The following CPLANE2 variants were observed in gnomAD, a reference collection of about 807,000 sequenced individuals.
CPLANE2 encodes the protein ciliogenesis and planar polarity effector complex subunit 2.
In CPLANE2, 24 loss-of-function variants were observed where a neutral mutation model predicts 20.9. The ratio of observed to expected loss-of-function variants is 1.15; its 90% CI spans 0.83 to 1.61. The LOEUF (loss-of-function observed/expected upper bound fraction) is 1.61, where lower values mean the gene tolerates loss of function less well. CPLANE2 is among the 40% of genes most tolerant of loss of function. The pLI, the probability that CPLANE2 is intolerant of heterozygous loss-of-function variation, is 0.00. For synonymous variants in CPLANE2, 132 were observed against 144.3 expected, an observed-to-expected ratio of 0.92 and a Z score of 0.61; for missense variants, 330 against 355.1, an observed-to-expected ratio of 0.93 and a Z score of 0.57.
In CPLANE2 at chr1:16,232,523, C is replaced by A. The variant is rs573262072; in HGVS notation, c.514G>T (p.Val172Phe). 3.3e-5 allele frequency: 53 copies of A among 1,613,932 alleles called. 1 individual carries two copies. The Admixed American group carries it at 3.5e-4, about 11-fold the overall frequency. ...TCCAAAGGATACTTGGAGCCGATGACCATCCTGACGACACCAGGGGCCTCA... is the reference window on the plus strand; with the variant it reads ...TCCAAAGGATACTTGGAGCCGATGAACATCCTGACGACACCAGGGGCCTCA... ...AGEAPGVVRM[V>F]IGSKFDQYMH... The change falls in exon 4 of 5, where the codon GTC becomes TTC. Residue 172 changes from valine to phenylalanine, a missense_variant. Val to Phe is a conservative substitution (Grantham distance 50). Coordinates refer to ENST00000375599, the MANE Select transcript of CPLANE2 (RefSeq NM_030907.4).
intron 1 of CPLANE2, among the ~76,000 whole-genome samples, chr1:16,234,690 C>T (rs1209676758): frequency 5.9e-5 from 9 of 152,056 alleles, no homozygotes; most frequent in Non-Finnish European, 5.9e-5. Context: ...AGGACAACCT[C>T]ATTTCTAATG....
chr1:16,235,657 C>T (rs1469166834), intron 1 of CPLANE2, among the ~76,000 whole-genome samples: 2 of 148,958 alleles, frequency 1.3e-5, no homozygotes, highest in Non-Finnish European at 3.0e-5. Flanking sequence ...ATTAGAGGGA[C>T]AGTGGCCATA....
intron 3 of CPLANE2, 116 bp from the exon 4 acceptor site, chr1:16,232,762 C>T (rs766301993): frequency 3.5e-4 from 547 of 1,556,572 alleles, no homozygotes; most frequent in Non-Finnish European, 4.6e-4. Context: ...GAGCAAGGAG[C>T]GGCTGGTCCT....
Position 16,236,667 on chromosome 1 carries a change from C to T in CPLANE2, c.76G>A (p.Ala26Thr), listed in dbSNP as rs1335875474. 1 of 1,561,970 alleles carries T rather than the reference C, an allele frequency of 6.4e-7. No homozygotes were observed. Among genetic ancestry groups the T allele is most frequent in the Non-Finnish European group, 8.7e-7 (1 of 1,151,586 alleles). The change falls in exon 1 of 5, where the codon GCT becomes ACT. Residue 26 changes from alanine (A) to threonine (T), a missense_variant. Ala to Thr is a moderately conservative substitution (Grantham distance 58, BLOSUM62 0). Coordinates refer to ENST00000375599, the MANE Select transcript of CPLANE2 (RefSeq NM_030907.4). ...HESAEGKEYL[A>T]CILRKNRRRV... is the part of the protein sequence containing the mutation. Reference sequence around the variant, plus strand: ...CGGCGGTTCTTGCGCAGAATGCAAGCCAGGTACTCCTTGCCCTCGGCACTC... The same window carrying T: ...CGGCGGTTCTTGCGCAGAATGCAAGTCAGGTACTCCTTGCCCTCGGCACTC...
In CPLANE2 at chr1:16,236,865, G is replaced by C. The variant is rs994030714; in HGVS notation, c.-123C>G. On this transcript the variant is annotated 5_prime_UTR_variant, in exon 1 of 5. Coordinates refer to ENST00000375599, the MANE Select transcript of CPLANE2 (RefSeq NM_030907.4). ...AACTGCCCTCTGACTCTCCCGGGGG[G>C]CCCCAGAAAGTGCAGTCCCTCAGCC... 1.4e-5 allele frequency: 10 copies of C among 717,558 alleles called. No homozygotes were observed. The highest frequency in any genetic ancestry group is 7.0e-5 in the African/African-American group (4 of 57,234). 44.4% of individuals were successfully genotyped at this position (717,558 alleles called of 1,614,324 possible).
In CPLANE2 at chr1:16,236,692, C is replaced by G. The variant is rs1484789696; in HGVS notation, c.51G>C (p.Glu17Asp). The part of the protein sequence containing the change: ...PGSVVVPNWH[E>D]SAEGKEYLAC... ...CCAGGTACTCCTTGCCCTCGGCACT[C>G]TCGTGCCAGTTTGGGACAACCACCG... Residue 17 changes from glutamate (E) to aspartate (D), a missense_variant, in exon 1 of 5, where the codon GAG becomes GAC. By Grantham distance (45) the Glu-to-Asp change is conservative. Coordinates refer to ENST00000375599, the MANE Select transcript of CPLANE2 (RefSeq NM_030907.4). 1.3e-6 allele frequency: 2 copies of G among 1,562,738 alleles called. No individual in the cohort carries two copies. Among genetic ancestry groups the G allele is most frequent in the Non-Finnish European group, 1.7e-6 (2 of 1,151,978 alleles).
At chr1:16,232,354 C>A in intron 4 of CPLANE2, 57 bp from the exon 5 acceptor site, 1 of 1,541,534 alleles carries the variant, frequency 6.5e-7, no homozygotes, top group South Asian at 1.2e-5. Flanking sequence ...CCATCAGACC[C>A]TGCCTCTCCC....
chr1:16,232,317 C>A lies in CPLANE2; in HGVS notation c.528-20G>T. 6.3e-7 allele frequency: 1 copy of A among 1,592,256 alleles called. No homozygotes were observed. Among genetic ancestry groups the A allele is most frequent in the South Asian group, 1.1e-5 (1 of 88,806 alleles). On this transcript the variant is annotated intron_variant, in intron 4 of 4. Transcript: ENST00000375599. ...TCAAATCTGGAGGAGGGTCAAGGAG[C>A]CTAACTGGGTGCCTCTGCACAGCCC...
chr1:16,232,796 T>A (rs2081433000), intron 3 of CPLANE2, 97 bp downstream of exon 3: 1 of 1,563,624 alleles, frequency 6.4e-7, no homozygotes, highest in Non-Finnish European at 8.7e-7. Flanking sequence ...GCTGGGACTG[T>A]CTCCAGTGCC....
intron 1 of CPLANE2, among the ~76,000 whole-genome samples, chr1:16,235,704 G>C (rs2081459731): frequency 1.4e-5 from 2 of 147,790 alleles, no homozygotes; most frequent in Non-Finnish European, 3.0e-5. Flanking sequence ...TTTTGAGACG[G>C]AGTTTCACTC....
In CPLANE2 at chr1:16,233,608, T is replaced by A; in HGVS notation, c.265+4A>T. On this transcript the variant is annotated splice_donor_region_variant and intron_variant, in intron 2 of 4. Coordinates refer to ENST00000375599, the MANE Select transcript of CPLANE2 (RefSeq NM_030907.4). ...GATGGGCAAAGGATAGAGGTCCCAC[T>A]CACCGGTGGTCTCGTGGTGCACCAC... The A allele has an allele frequency of 6.2e-7, 1 of 1,613,958 alleles. No individual in the cohort carries two copies.
In CPLANE2 at chr1:16,233,691, C is replaced by T. The variant is rs1345482276; in HGVS notation, c.186G>A (p.Gly62=). The T allele has an allele frequency of 6.2e-7, 1 of 1,614,206 alleles. No individual in the cohort carries two copies. Among genetic ancestry groups the T allele is most frequent in the East Asian group, 2.2e-5 (1 of 44,882 alleles). The stretch of plus-strand genomic sequence containing the variant: ...GCGCCGTCTTGCCCACACCACTCTT[C>T]CCGGACACAAAGATCTTGTAGCTGG... The part of the protein sequence containing the change: ...DTASYKIFVS[G]KSGVGKTALV... Residue 62 remains glycine, a synonymous_variant, in exon 2 of 5, where the codon GGG becomes GGA. Coordinates refer to ENST00000375599, the MANE Select transcript of CPLANE2 (RefSeq NM_030907.4).
rs1455196172 is a variant in CPLANE2 at position 16,236,963 on chromosome 1, C to T, written c.-221G>A. The stretch of plus-strand genomic sequence containing the variant: ...CCCATGGAGGGTATTCACACAGCCC[C>T]TCTCCCCTTGTCACCTCCGGGGGTC... On this transcript the variant is annotated 5_prime_UTR_variant, in exon 1 of 5. Transcript: ENST00000375599. The T allele has an allele frequency of 9.4e-6, 5 of 530,546 alleles. No individual in the cohort carries two copies. The East Asian group carries it at 1.3e-4, about 13-fold the overall frequency. 32.9% of individuals were successfully genotyped at this position (530,546 alleles called of 1,614,324 possible).
intron 1 of CPLANE2, 91 bp from the exon 2 acceptor site, chr1:16,233,855 T>G (rs978354294): frequency 2.1e-6 from 3 of 1,420,072 alleles, no homozygotes; most frequent in African/African-American, 2.8e-5. Context: ...TAATCGCCAA[T>G]GCACCAGTGT....
At position 16,232,892 on chromosome 1, in the gene CPLANE2, C is replaced by T; in HGVS notation, c.390+1G>A. The T allele has an allele frequency of 6.2e-7, 1 of 1,614,096 alleles. No homozygotes were observed. The highest frequency in any genetic ancestry group is 8.5e-7 in the Non-Finnish European group (1 of 1,179,998). ...CCACCCAGGCCCACATGCCTGCTCACCAGCAGCATATGATCGAACTTTTTG... is the reference window on the plus strand; with the variant it reads ...CCACCCAGGCCCACATGCCTGCTCATCAGCAGCATATGATCGAACTTTTTG... On this transcript the variant is annotated splice_donor_variant, in intron 3 of 4. Transcript: ENST00000375599. LOFTEE classifies it high-confidence loss of function.
chr1:16,233,661 C>G lies in CPLANE2; in HGVS notation c.216G>C (p.Val72=). ...GCACCTCCAGGCCAGCCAGCTTGGC[C>G]ACCAGCGCCGTCTTGCCCACACCAC... ...GKSGVGKTAL[V]AKLAGLEVPV... Residue 72 remains valine (V), a synonymous_variant, in exon 2 of 5, where the codon GTG becomes GTC. Coordinates refer to ENST00000375599, the MANE Select transcript of CPLANE2 (RefSeq NM_030907.4). 1 of 1,614,192 alleles carries G rather than the reference C, an allele frequency of 6.2e-7. No homozygotes were observed.
In CPLANE2 at chr1:16,232,173, G is replaced by C; in HGVS notation, c.652C>G (p.Leu218Val). The stretch of plus-strand genomic sequence containing the variant: ...TCGGCCAGCCCAGCCCGCCCGTCCA[G>C]TGTGCGCCCATCAGCCAGCCGCCGC... ...PGRRLADGRTLDGRAGLADVA... is the reference protein window; with the variant it reads ...PGRRLADGRTVDGRAGLADVA... The change falls in exon 5 of 5, where the codon CTG becomes GTG. Residue 218 changes from leucine (L) to valine (V), a missense_variant. By Grantham distance (32) the Leu-to-Val change is conservative. Coordinates refer to ENST00000375599, the MANE Select transcript of CPLANE2 (RefSeq NM_030907.4). 6.2e-7 allele frequency: 1 copy of C among 1,613,184 alleles called. No homozygotes were observed. Among genetic ancestry groups the C allele is most frequent in the Non-Finnish European group, 8.5e-7 (1 of 1,179,934 alleles).
intron 1 of CPLANE2, 136 bp from the exon 2 acceptor site, chr1:16,233,900 C>A (rs1222843123): frequency 1.1e-6 from 1 of 935,196 alleles, no homozygotes; most frequent in East Asian, 2.6e-5. Flanking sequence ...TGATCAGCTG[C>A]CCTCATAAAT....
rs60474708 is a variant in CPLANE2, at chr1:16,232,705, G to T, written c.391-59C>A. 5.4e-3 allele frequency: 8,722 copies of T among 1,603,596 alleles called. 398 individuals carry two copies. The African/African-American group carries it at 0.098, about 18-fold the overall frequency. On this transcript the variant is annotated intron_variant, in intron 3 of 4. Transcript: ENST00000375599. ...CCCATCAGCTGCAGGGCCCTCAGAA[G>T]AATCAGGAATAATCCCTCCTTTCAC...
Sources: allele counts gnomAD v4.1 joint callset (sites outside exome capture counted in the v4.1 genomes callset), GRCh38; gene constraint gnomAD v4.1.1; transcripts MANE v1.5; gene names NCBI Gene and HGNC (gene_info 2026-07-23, HGNC 2026-07-21).